The following PTPRT variants were observed in gnomAD, a reference collection of about 807,000 sequenced individuals.
The protein encoded by PTPRT is receptor-type tyrosine-protein phosphatase T.
Under a neutral mutation model 176.8 loss-of-function variants are expected in PTPRT, and 56 were observed. The ratio of observed to expected loss-of-function variants is 0.32; its 90% CI spans 0.26 to 0.40. PTPRT has a LOEUF of 0.40. Among genes scored for constraint, PTPRT ranks in the 10% least tolerant of loss-of-function variants. The probability of loss-of-function intolerance (pLI) is 1.00; values close to 1 mark genes in which losing one functional copy is unlikely to be tolerated. For synonymous variants in PTPRT, 783 were observed against 739.0 expected, an observed-to-expected ratio of 1.06 and a Z score of -0.96; for missense variants, 1,540 against 1,908.2, an observed-to-expected ratio of 0.81 and a Z score of 3.60.
At chr20:42,651,900 T>C (rs1018725114) in intron 7 of PTPRT, among the ~76,000 whole-genome samples, 1 of 151,922 alleles carries the variant, frequency 6.6e-6, no homozygotes, top group East Asian at 1.9e-4. Flanking sequence ...TAAAAAAAAT[T>C]AGCTGGGCTT....
Position 42,075,601 on chromosome 20 carries a change from G to A in PTPRT, c.*5278C>T, listed in dbSNP as rs117750742. ...CCAAGGAATTATCATTTCCTTCAATGTCTCTGGATCTGGGTTGGGCAGTCA... is the reference window on the plus strand; with the variant it reads ...CCAAGGAATTATCATTTCCTTCAATATCTCTGGATCTGGGTTGGGCAGTCA... On this transcript the variant is annotated 3_prime_UTR_variant, in exon 31 of 31. Coordinates refer to ENST00000373187, the MANE Select transcript of PTPRT (RefSeq NM_007050.6). 2.5e-4 allele frequency: 53 copies of A among 209,310 alleles called. No individual in the cohort carries two copies. In the East Asian group the frequency reaches 3.7e-3, roughly 15 times the overall value. The allele number at this position is 209,310 out of a possible 1,614,324, so 13.0% of individuals were successfully genotyped here.
At chr20:43,164,041 C>T (rs1227701666) in intron 1 of PTPRT, among the ~76,000 whole-genome samples, 1 of 152,146 alleles carries the variant, frequency 6.6e-6, no homozygotes, top group East Asian at 1.9e-4. Context: ...TTCTTACCCC[C>T]TGAGTGTCAT....
At chr20:43,057,160 GTT>G (rs1404879946) in intron 1 of PTPRT, among the ~76,000 whole-genome samples, 1 of 138,744 alleles carries the variant, frequency 7.2e-6, no homozygotes, top group Non-Finnish European at 1.5e-5. Context: ...ACACAGGAGA[GTT>G]TCTTTGTGGT....
chr20:42,422,745 A>AT (rs1245468430), intron 9 of PTPRT, among the ~76,000 whole-genome samples: 1 of 152,206 alleles, frequency 6.6e-6, no homozygotes, highest in East Asian at 1.9e-4. Context: ...AGACACACGC[A>AT]TGTAGATGTT....
intron 13 of PTPRT, among the ~76,000 whole-genome samples, chr20:42,257,656 C>CCCCCCCCG (rs1379631907): frequency 1.0e-5 from 1 of 98,980 alleles, no homozygotes; most frequent in African/African-American, 4.6e-5. Context: ...CCCCCCCCCC[C>CCCCCCCCG]GCCCACTACT....
chr20:43,133,906 G>C (rs1367197704), intron 1 of PTPRT, among the ~76,000 whole-genome samples: 3 of 152,134 alleles, frequency 2.0e-5, no homozygotes, highest in African/African-American at 4.8e-5. Context: ...TTTCTCACAA[G>C]TTCCCAGGTG....
intron 7 of PTPRT, among the ~76,000 whole-genome samples, chr20:42,539,923 C>G (rs1170865807): frequency 6.6e-6 from 1 of 151,982 alleles, no homozygotes; most frequent in Non-Finnish European, 1.5e-5. Context: ...TCCAACAGTT[C>G]CAACATCCAA....
chr20:42,787,684 C>T (rs1341591202), intron 3 of PTPRT, among the ~76,000 whole-genome samples: 3 of 152,214 alleles, frequency 2.0e-5, no homozygotes, highest in Non-Finnish European at 2.9e-5. Flanking sequence ...GAATATAAGG[C>T]TATATGCTTA....
intron 7 of PTPRT, among the ~76,000 whole-genome samples, chr20:42,529,092 T>C (rs1044846088): frequency 1.3e-5 from 2 of 152,342 alleles, no homozygotes; most frequent in African/African-American, 4.8e-5. Flanking sequence ...AGAAACGACC[T>C]TTTAAATTTT....
At chr20:42,052,670 C>A in the PTPRT span, among the ~76,000 whole-genome samples, 1 of 152,144 alleles carries the variant, frequency 6.6e-6, no homozygotes, top group African/African-American at 2.4e-5. Flanking sequence ...CTCAGTTGGG[C>A]CCCAACCTCA....
At chr20:42,683,067 G>T (rs190085442) in intron 6 of PTPRT, among the ~76,000 whole-genome samples, 90 of 152,024 alleles carry the variant, frequency 5.9e-4, no homozygotes, top group East Asian at 2.3e-3. Context: ...TACACCACAC[G>T]TCTCACCCCA....
At chr20:42,146,820 C>G (rs1988889540) in intron 17 of PTPRT, among the ~76,000 whole-genome samples, 1 of 152,144 alleles carries the variant, frequency 6.6e-6, no homozygotes, top group South Asian at 2.1e-4. Flanking sequence ...CCCCAAATGC[C>G]CCTGCAGCAT....
chr20:42,399,844 A>G (rs2058888300), intron 9 of PTPRT, among the ~76,000 whole-genome samples: 1 of 152,194 alleles, frequency 6.6e-6, no homozygotes, highest in South Asian at 2.1e-4. Flanking sequence ...CATTTACATC[A>G]CTTTTCACCC....
chr20:43,058,347 G>A (rs952330377), intron 1 of PTPRT, among the ~76,000 whole-genome samples: 1 of 151,796 alleles, frequency 6.6e-6, no homozygotes, highest in African/African-American at 2.4e-5. Context: ...TGAGTGGGGA[G>A]AGAGAACAAT....
chr20:42,809,675 T>G (rs899925418), intron 2 of PTPRT, among the ~76,000 whole-genome samples: 5 of 152,122 alleles, frequency 3.3e-5, no homozygotes, highest in Non-Finnish European at 5.9e-5. Context: ...TGGTGTCTGG[T>G]GCTCCCTGAG....
chr20:42,966,339 A>T (rs1748655675), intron 1 of PTPRT: 1 of 152,186 alleles, frequency 6.6e-6, no homozygotes, highest in African/African-American at 2.4e-5. Context: ...GAGGCTGGTA[A>T]TATTTCATAA....
chr20:43,146,632 T>C (rs1374089252), intron 1 of PTPRT, among the ~76,000 whole-genome samples: 2 of 151,890 alleles, frequency 1.3e-5, no homozygotes, highest in Non-Finnish European at 2.9e-5. Flanking sequence ...AACATGATGT[T>C]GATGAAAAAG....
chr20:43,016,124 G>A (rs1360006139), intron 1 of PTPRT, among the ~76,000 whole-genome samples: 1 of 152,002 alleles, frequency 6.6e-6, no homozygotes, highest in Non-Finnish European at 1.5e-5. Flanking sequence ...TGTCCAAGGG[G>A]GTCTACAGAT....
intron 2 of PTPRT, among the ~76,000 whole-genome samples, chr20:42,882,607 T>C (rs1043664032): frequency 8.5e-5 from 13 of 152,212 alleles, no homozygotes; most frequent in African/African-American, 3.1e-4. Flanking sequence ...CCTGTATTAA[T>C]AAAAACACTT....
Sources: gnomAD v4.1 joint callset for allele counts (sites outside exome capture counted in the v4.1 genomes callset) on GRCh38, gnomAD v4.1.1 for gene constraint, MANE v1.5 for transcripts, NCBI Gene and HGNC (gene_info 2026-07-23, HGNC 2026-07-21) for gene names.